Variants in NTMT2 observed in about 807,000 individuals in gnomAD.
NTMT2 encodes the protein N-terminal Xaa-Pro-Lys N-methyltransferase 2.
Under a neutral mutation model 23.4 loss-of-function variants are expected in NTMT2, and 21 were observed. The ratio of observed to expected loss-of-function variants is 0.90; its 90% CI spans 0.64 to 1.29. The LOEUF is 1.29. Ranked by LOEUF, NTMT2 falls within the 50% of genes most tolerant of loss-of-function variation. NTMT2 has a pLI of 0.00. For synonymous variants in NTMT2, 131 were observed against 127.7 expected (o/e 1.03, Z -0.17); for missense variants, 336 against 352.0 (o/e 0.95, Z 0.36).
At chr1:170,152,142 T>G (rs1673081934) in intron 1 of NTMT2, among the ~76,000 whole-genome samples, 1 of 152,144 alleles carries the variant, frequency 6.6e-6, no homozygotes, top group African/African-American at 2.4e-5. Context: ...TAACATTAAG[T>G]GCTAGGATTA....
chr1:170,151,922 T>A (rs486870), intron 1 of NTMT2, among the ~76,000 whole-genome samples: 151,763 of 152,304 alleles, frequency 1, 75,615 homozygotes, highest in Non-Finnish European at 1. Flanking sequence ...TGTTTGATCA[T>A]CTATAGTTAC....
chr1:170,159,755 T>A (rs1312188515), intron 1 of NTMT2, among the ~76,000 whole-genome samples: 1 of 152,212 alleles, frequency 6.6e-6, no homozygotes, highest in Non-Finnish European at 1.5e-5. Flanking sequence ...TTATCATGAA[T>A]GTCTTATGAT....
intron 1 of NTMT2, among the ~76,000 whole-genome samples, chr1:170,148,064 C>T (rs948397428): frequency 6.7e-6 from 1 of 149,594 alleles, no homozygotes; most frequent in Non-Finnish European, 1.5e-5. Context: ...AAAAGGGAAA[C>T]TTTTCTGCAT....
At position 170,160,651 on chromosome 1, in the gene NTMT2, A is replaced by G. The variant is rs751597270; in HGVS notation, c.288A>G (p.Pro96=). 1.6e-5 allele frequency: 24 copies of G among 1,538,956 alleles called. No homozygotes were observed. The highest frequency in any genetic ancestry group is 1.5e-4 in the South Asian group (12 of 80,858). The change falls in exon 2 of 4, where the codon CCA becomes CCG. Residue 96 remains proline (P), a synonymous_variant. Coordinates refer to ENST00000439373, the MANE Select transcript of NTMT2 (RefSeq NM_001136107.2). ...MMGNFIELSS[P]DIQASQKFLR... is the part of the protein sequence containing the mutation. ...GAAATTTCATTGAACTGTCCAGCCC[A>G]GACATCCAGGCCTCTCAGAAATTTC...
chr1:170,163,032 G>A (rs1315403296), intron 2 of NTMT2, among the ~76,000 whole-genome samples: 2 of 152,060 alleles, frequency 1.3e-5, no homozygotes, highest in Admixed American at 6.5e-5. Flanking sequence ...TTGTCACTCC[G>A]TGTGGAATGC....
intron 2 of NTMT2, among the ~76,000 whole-genome samples, chr1:170,166,213 C>T (rs1418340486): frequency 7.1e-6 from 1 of 141,434 alleles, no homozygotes; most frequent in Non-Finnish European, 1.5e-5. Context: ...AATCTCGGCT[C>T]ACTGCAAGCT....
In NTMT2 at chr1:170,167,695, G is replaced by A; in HGVS notation, c.790G>A (p.Gly264Ser). The change falls in exon 4 of 4, where the codon GGC (glycine) becomes AGC (serine). Residue 264 changes from glycine (G) to serine (S), a missense_variant. Physicochemically the swap from Gly to Ser is moderately conservative, Grantham distance 56. Coordinates refer to ENST00000439373, the MANE Select transcript of NTMT2 (RefSeq NM_001136107.2). ...LVVLGQEKQD[G>S]FPEQCIPVWM... is the part of the protein sequence containing the mutation. ...GGTGCTGGGCCAGGAGAAGCAGGAT[G>A]GCTTCCCAGAGCAGTGCATCCCCGT... The A allele has an allele frequency of 6.4e-7, 1 of 1,551,496 alleles. No individual in the cohort carries two copies. The highest frequency in any genetic ancestry group is 8.7e-7 in the Non-Finnish European group (1 of 1,146,950).
In NTMT2 at chr1:170,146,078, C is replaced by T. The variant is rs1557903163; in HGVS notation, c.-30C>T. 2 of 1,539,144 alleles carry T rather than the reference C, an allele frequency of 1.3e-6. No homozygotes were observed. On this transcript the variant is annotated 5_prime_UTR_variant, in exon 1 of 4. Coordinates refer to ENST00000439373, the MANE Select transcript of NTMT2 (RefSeq NM_001136107.2). ...AAACAGCAAGGCAAGCTTCCTTTCTCTGTAGGAATCATTATTATCCCCCTT... is the reference window on the plus strand; with the variant it reads ...AAACAGCAAGGCAAGCTTCCTTTCTTTGTAGGAATCATTATTATCCCCCTT...
chr1:170,166,584 T>A lies in NTMT2; in HGVS notation c.413T>A (p.Val138Asp). Reference protein sequence around the residue: ...GRVSKHVLLPVFNSVELVDMM... With the variant: ...GRVSKHVLLPDFNSVELVDMM... ...GTCAGCAAACACGTCTTATTGCCTGTTTTCAACAGTGTGGAGCTGGTGGAT... is the reference window on the plus strand; with the variant it reads ...GTCAGCAAACACGTCTTATTGCCTGATTTCAACAGTGTGGAGCTGGTGGAT... Residue 138 changes from valine to aspartate, a missense_variant, in exon 3 of 4, where the codon GTT becomes GAT. Physicochemically the swap from Val to Asp is radical, Grantham distance 152. Transcript: ENST00000439373. 6.4e-7 allele frequency: 1 copy of A among 1,552,248 alleles called. No individual in the cohort carries two copies. Among genetic ancestry groups the A allele is most frequent in the Non-Finnish European group, 8.7e-7 (1 of 1,147,106 alleles).
chr1:170,156,314 A>T (rs1264793920), intron 1 of NTMT2, among the ~76,000 whole-genome samples: 1 of 152,102 alleles, frequency 6.6e-6, no homozygotes, highest in African/African-American at 2.4e-5. Context: ...TATTTCCTGA[A>T]TGTTGTACTG....
intron 1 of NTMT2, among the ~76,000 whole-genome samples, chr1:170,157,082 G>A (rs1673177973): frequency 6.6e-6 from 1 of 152,044 alleles, no homozygotes; most frequent in Non-Finnish European, 1.5e-5. Flanking sequence ...AAAGAATTTG[G>A]AACAGTCATA....
intron 1 of NTMT2, among the ~76,000 whole-genome samples, chr1:170,150,883 GC>G (rs748051272): frequency 8.5e-5 from 13 of 152,094 alleles, no homozygotes; most frequent in Admixed American, 2.0e-4. Flanking sequence ...TGCTCAAAGG[GC>G]TCAACTGGAG....
intron 1 of NTMT2, among the ~76,000 whole-genome samples, chr1:170,156,393 A>G (rs2102235127): frequency 6.6e-6 from 1 of 152,264 alleles, no homozygotes; most frequent in Non-Finnish European, 1.5e-5. Flanking sequence ...AACCTTTCCT[A>G]GAAATTTCAT....
At chr1:170,153,751 G>T (rs1346378698) in intron 1 of NTMT2, among the ~76,000 whole-genome samples, 1 of 152,218 alleles carries the variant, frequency 6.6e-6, no homozygotes, top group African/African-American at 2.4e-5. Flanking sequence ...TAAAGGTGAA[G>T]CACAGCATAA....
At chr1:170,166,442 G>A in intron 2 of NTMT2, 60 bp from the exon 3 acceptor site, 1 of 1,542,198 alleles carries the variant, frequency 6.5e-7, no homozygotes, top group Non-Finnish European at 8.8e-7. Flanking sequence ...CGCCCGGCCT[G>A]GGTGTGCAAT....
rs61745740 is a variant in NTMT2 at position 170,167,667 on chromosome 1, G to T, written c.762G>T (p.Leu254=). ...ILRSLIRKSG[L]VVLGQEKQDG... ...GGAGCCTAATAAGGAAGAGTGGGCT[G>T]GTGGTGCTGGGCCAGGAGAAGCAGG... Residue 254 remains leucine (L), a synonymous_variant, in exon 4 of 4, where the codon CTG becomes CTT. Coordinates refer to ENST00000439373, the MANE Select transcript of NTMT2 (RefSeq NM_001136107.2). 846 of 1,551,674 alleles carry T rather than the reference G, an allele frequency of 5.5e-4. 7 individuals carry two copies. In the African/African-American group the frequency reaches 0.011, roughly 19 times the overall value.
intron 1 of NTMT2, among the ~76,000 whole-genome samples, chr1:170,155,988 G>A (rs1486225868): frequency 6.6e-6 from 1 of 152,108 alleles, no homozygotes; most frequent in African/African-American, 2.4e-5. Flanking sequence ...GCTTCTTAGA[G>A]TCAGAAGTTG....
intron 1 of NTMT2, among the ~76,000 whole-genome samples, chr1:170,147,923 T>G (rs573852502): frequency 4.0e-4 from 61 of 152,320 alleles, no homozygotes; most frequent in African/African-American, 1.4e-3. Context: ...ATCATTTTGA[T>G]TTTGTGTTTT....
intron 1 of NTMT2, among the ~76,000 whole-genome samples, chr1:170,146,498 T>C (rs1437819639): frequency 6.6e-6 from 1 of 152,152 alleles, no homozygotes; most frequent in Non-Finnish European, 1.5e-5. Context: ...CCTCAGGCAC[T>C]GTGATTTGCT....
Sources: allele counts gnomAD v4.1 joint callset (sites outside exome capture counted in the v4.1 genomes callset), GRCh38; gene constraint gnomAD v4.1.1; transcripts MANE v1.5; gene names NCBI Gene and HGNC (gene_info 2026-07-23, HGNC 2026-07-21).